KLF8: variants seen among roughly 807,000 people sequenced by gnomAD.
KLF8 encodes the protein Krueppel-like factor 8.
A neutral mutation model predicts 18.2 loss-of-function variants in KLF8; 10 were observed. The ratio of observed to expected loss-of-function variants is 0.55; its 90% CI spans 0.34 to 0.93. KLF8 has a LOEUF of 0.93. Ranked by LOEUF, KLF8 falls within the 40% of genes least tolerant of loss-of-function variation. The pLI is 0.02. For missense variants in KLF8, 264 were observed against 277.9 expected, an observed-to-expected ratio of 0.95 and a Z score of 0.36; for synonymous variants, 109 against 97.3, an observed-to-expected ratio of 1.12 and a Z score of -0.71.
chrX:56,282,184 C>T (rs2067210420), intron 5 of KLF8, among the ~76,000 whole-genome samples: 1 of 112,562 alleles, frequency 8.9e-6, no homozygotes, highest in African/African-American at 3.2e-5. Flanking sequence ...CTTCTTCCCT[C>T]TGTTAACAAT....
the KLF8 span, among the ~76,000 whole-genome samples, chrX:56,006,363 G>A: frequency 1.8e-5 from 2 of 111,950 alleles, no homozygotes; most frequent in African/African-American, 6.5e-5. Context: ...ACAAGTCCCA[G>A]TGCATGGTAG....
At chrX:55,920,886 G>A in the KLF8 span, among the ~76,000 whole-genome samples, 2 of 112,023 alleles carry the variant, frequency 1.8e-5, no homozygotes, top group Non-Finnish European at 3.8e-5. Context: ...GGCCATGCTA[G>A]ACATCTAAAC....
chrX:56,187,178 T>C, the KLF8 span, among the ~76,000 whole-genome samples: 1 of 111,351 alleles, frequency 9.0e-6, no homozygotes, highest in African/African-American at 3.3e-5. Context: ...CAATAAAAAA[T>C]GATAAAGGGG....
At chrX:55,926,533 A>C in the KLF8 span, among the ~76,000 whole-genome samples, 1 of 111,079 alleles carries the variant, frequency 9.0e-6, no homozygotes, top group African/African-American at 3.3e-5. Flanking sequence ...CTTGCCATTC[A>C]TTCTCTTACA....
the KLF8 span, among the ~76,000 whole-genome samples, chrX:56,102,848 C>A: frequency 2.8e-4 from 31 of 109,377 alleles, no homozygotes; most frequent in African/African-American, 1.0e-3. Flanking sequence ...GTGTGCTACA[C>A]CCATTAACTC....
the KLF8 span, among the ~76,000 whole-genome samples, chrX:56,131,985 A>G: frequency 8.9e-6 from 1 of 112,151 alleles, no homozygotes; most frequent in Admixed American, 9.5e-5. Flanking sequence ...TTTCAAATTT[A>G]TAAAACAATT....
At chrX:55,986,367 A>C in the KLF8 span, among the ~76,000 whole-genome samples, 1 of 112,332 alleles carries the variant, frequency 8.9e-6, no homozygotes, top group Admixed American at 9.5e-5. Flanking sequence ...TTTTTATCAA[A>C]GGTTTATTCT....
At chrX:55,948,964 A>G in the KLF8 span, among the ~76,000 whole-genome samples, 1 of 112,165 alleles carries the variant, frequency 8.9e-6, no homozygotes, top group Non-Finnish European at 1.9e-5. Flanking sequence ...GCATTTTTAA[A>G]TAGATCATCA....
At chrX:56,068,419 G>T in the KLF8 span, among the ~76,000 whole-genome samples, 1 of 110,183 alleles carries the variant, frequency 9.1e-6, no homozygotes, top group Non-Finnish European at 1.9e-5. Flanking sequence ...GACCCCACCC[G>T]ACTCTGCCAC....
At chrX:56,083,721 C>T in the KLF8 span, among the ~76,000 whole-genome samples, 3 of 111,695 alleles carry the variant, frequency 2.7e-5, no homozygotes, top group South Asian at 1.1e-3. Context: ...GTGAGTATTA[C>T]TGCCTGAACT....
At chrX:55,991,611 G>C in the KLF8 span, among the ~76,000 whole-genome samples, 4 of 111,810 alleles carry the variant, frequency 3.6e-5, no homozygotes, top group Non-Finnish European at 5.6e-5. Context: ...GGGACCTGTA[G>C]ACTGGAGCTG....
chrX:56,084,260 G>A, the KLF8 span, among the ~76,000 whole-genome samples: 1 of 110,588 alleles, frequency 9.0e-6, no homozygotes, highest in Non-Finnish European at 1.9e-5. Flanking sequence ...GCACATGCCT[G>A]TGGTCCCAGC....
At chrX:56,134,271 A>G in the KLF8 span, among the ~76,000 whole-genome samples, 2 of 112,024 alleles carry the variant, frequency 1.8e-5, no homozygotes, top group Non-Finnish European at 3.8e-5. Context: ...AAACTATCCT[A>G]TAAGGCCATA....
the KLF8 span, among the ~76,000 whole-genome samples, chrX:55,918,605 G>A: frequency 4.5e-5 from 5 of 112,254 alleles, no homozygotes; most frequent in Non-Finnish European, 7.5e-5. Flanking sequence ...ATGCTCCATC[G>A]AAAACCTCTA....
chrX:56,218,361 T>C, the KLF8 span, among the ~76,000 whole-genome samples: 174 of 110,832 alleles, frequency 1.6e-3, no homozygotes, highest in Middle Eastern at 4.6e-3. Context: ...CAGATATATC[T>C]TGGGGTATGA....
At chrX:56,038,989 T>C in the KLF8 span, among the ~76,000 whole-genome samples, 1 of 112,257 alleles carries the variant, frequency 8.9e-6, no homozygotes, top group Non-Finnish European at 1.9e-5. Flanking sequence ...TCCCTATGTT[T>C]GATGGCCCCA....
chrX:56,183,457 C>T, the KLF8 span, among the ~76,000 whole-genome samples: 7 of 111,600 alleles, frequency 6.3e-5, no homozygotes, highest in South Asian at 7.5e-4. Flanking sequence ...GCTCACACTC[C>T]GTGGGCTGCA....
the KLF8 span, among the ~76,000 whole-genome samples, chrX:56,107,115 C>T: frequency 9.0e-6 from 1 of 111,501 alleles, no homozygotes; most frequent in Non-Finnish European, 1.9e-5. Context: ...GCACCCCCCT[C>T]TATGAGGTGT....
At chrX:56,160,120 T>C in the KLF8 span, among the ~76,000 whole-genome samples, 2 of 111,982 alleles carry the variant, frequency 1.8e-5, no homozygotes, top group African/African-American at 6.5e-5. Context: ...AAGAACATCT[T>C]TTTTTCTGCC....
Sources: gnomAD v4.1 joint callset for allele counts (sites outside exome capture counted in the v4.1 genomes callset) on GRCh38, gnomAD v4.1.1 for gene constraint, MANE v1.5 for transcripts, NCBI Gene and HGNC (gene_info 2026-07-23, HGNC 2026-07-21) for gene names.